SMIM31: variants seen among roughly 807,000 people sequenced by gnomAD.
SMIM31 encodes the protein human epithelial cell program regulator.
chr4:164,786,931 C>G (rs2110952826), intron 2 of SMIM31, among the ~76,000 whole-genome samples: 1 of 152,242 alleles, frequency 6.6e-6, no homozygotes, highest in African/African-American at 2.4e-5. Context: ...CAATAGGAAT[C>G]ATAGCTCAAA....
At position 164,801,168 on chromosome 4, in the gene SMIM31, C is replaced by T. The variant is rs953569278; in HGVS notation, c.190C>T (p.His64Tyr). 1.5e-5 allele frequency: 6 copies of T among 398,650 alleles called. No individual in the cohort carries two copies. Among genetic ancestry groups the T allele is most frequent in the Non-Finnish European group, 2.7e-5 (6 of 226,016 alleles). 24.7% of individuals were successfully genotyped at this position (398,650 alleles called of 1,614,324 possible). Residue 64 changes from histidine to tyrosine, a missense_variant, in exon 3 of 3, where the codon CAC becomes TAC. Coordinates refer to ENST00000507311, the MANE Select transcript of SMIM31 (RefSeq NM_001352885.1). ...GAAGAAAAATTGCTCAGAGGAAGAGCACAGAATTGAAGCTGTTGAGCTATG... is the reference window on the plus strand; with the variant it reads ...GAAGAAAAATTGCTCAGAGGAAGAGTACAGAATTGAAGCTGTTGAGCTATG... ...EKKKNCSEEE[H>Y]RIEAVEL
At chr4:164,780,402 G>A (rs1201937118) in intron 2 of SMIM31, among the ~76,000 whole-genome samples, 1 of 152,234 alleles carries the variant, frequency 6.6e-6, no homozygotes, top group African/African-American at 2.4e-5. Context: ...ACTCCAGCCT[G>A]GGTGACAGAG....
chr4:164,771,081 C>A (rs1158775351), intron 2 of SMIM31, among the ~76,000 whole-genome samples: 6 of 152,098 alleles, frequency 3.9e-5, no homozygotes, highest in Admixed American at 3.9e-4. Context: ...TCATAAAAAG[C>A]AAATTGCATT....
At chr4:164,788,486 T>C (rs1267525636) in intron 2 of SMIM31, among the ~76,000 whole-genome samples, 6 of 109,710 alleles carry the variant, frequency 5.5e-5, no homozygotes, top group Admixed American at 8.9e-5. Context: ...TTCTTTTTTT[T>C]TTTTTTTTTT....
At chr4:164,783,765 G>GA (rs1293378890) in intron 2 of SMIM31, among the ~76,000 whole-genome samples, 1 of 151,664 alleles carries the variant, frequency 6.6e-6, no homozygotes, top group African/African-American at 2.4e-5. Flanking sequence ...CTCCATCTCT[G>GA]AAAAAATAAA....
At chr4:164,755,539 AGGAGGGGAGGGGAGGGGAGGGGAGG>A (rs1164803304) in intron 1 of SMIM31, among the ~76,000 whole-genome samples, 14 of 11,428 alleles carry the variant, frequency 1.2e-3, no homozygotes, top group Non-Finnish European at 1.6e-3. Context: ...GGGAGAGGAG[AGGAGGGGAGGGGAGGGGAGGGGAGG>A]GGAGGGGAGG....
intron 2 of SMIM31, among the ~76,000 whole-genome samples, chr4:164,784,972 C>G (rs909964527): frequency 6.6e-6 from 1 of 150,974 alleles, no homozygotes; most frequent in African/African-American, 2.4e-5. Context: ...GCCTGTAATC[C>G]CAGCACTTTG....
chr4:164,766,392 C>T (rs993932550), intron 1 of SMIM31, among the ~76,000 whole-genome samples: 1 of 152,080 alleles, frequency 6.6e-6, no homozygotes, highest in African/African-American at 2.4e-5. Context: ...TCAGTGAATA[C>T]TTATGGGAAA....
At chr4:164,782,479 C>G (rs974682126) in intron 2 of SMIM31, among the ~76,000 whole-genome samples, 12 of 147,640 alleles carry the variant, frequency 8.1e-5, no homozygotes, top group Non-Finnish European at 1.2e-4. Flanking sequence ...CCCAGGTTCA[C>G]GCCATTCTCC....
intron 2 of SMIM31, among the ~76,000 whole-genome samples, chr4:164,792,934 T>C (rs1030919288): frequency 7.2e-5 from 11 of 152,044 alleles, no homozygotes; most frequent in African/African-American, 2.4e-4. Flanking sequence ...AACATACCAA[T>C]GGATTAGAAT....
At chr4:164,788,662 T>C (rs891889882) in intron 2 of SMIM31, among the ~76,000 whole-genome samples, 1 of 151,326 alleles carries the variant, frequency 6.6e-6, no homozygotes, top group Non-Finnish European at 1.5e-5. Flanking sequence ...GCTAATTTTG[T>C]ATTTTTAGTA....
chr4:164,781,884 A>G (rs1050822474), intron 2 of SMIM31, among the ~76,000 whole-genome samples: 3 of 152,232 alleles, frequency 2.0e-5, no homozygotes, highest in African/African-American at 7.2e-5. Context: ...AGATTTGACT[A>G]CAAAGGAGTA....
chr4:164,783,876 T>G (rs539849929), intron 2 of SMIM31, among the ~76,000 whole-genome samples: 1 of 152,344 alleles, frequency 6.6e-6, no homozygotes, highest in East Asian at 1.9e-4. Flanking sequence ...TATATGAATT[T>G]TCCTGTAACT....
At chr4:164,798,043 T>C (rs1380898603) in intron 2 of SMIM31, among the ~76,000 whole-genome samples, 1 of 152,098 alleles carries the variant, frequency 6.6e-6, no homozygotes, top group Non-Finnish European at 1.5e-5. Context: ...GTTCCATCCA[T>C]GTTGCTGCAA....
At chr4:164,774,944 A>G (rs1470330498) in intron 2 of SMIM31, among the ~76,000 whole-genome samples, 1 of 152,210 alleles carries the variant, frequency 6.6e-6, no homozygotes, top group Non-Finnish European at 1.5e-5. Context: ...AGCCAACATC[A>G]GTTATCATCC....
At chr4:164,767,395 T>C (rs1292847478) in intron 1 of SMIM31, among the ~76,000 whole-genome samples, 1 of 152,254 alleles carries the variant, frequency 6.6e-6, no homozygotes, top group African/African-American at 2.4e-5. Flanking sequence ...GGAGTTACGT[T>C]AATTTTTATC....
At chr4:164,767,818 T>C (rs1317239793) in intron 1 of SMIM31, among the ~76,000 whole-genome samples, 1 of 152,260 alleles carries the variant, frequency 6.6e-6, no homozygotes, top group East Asian at 1.9e-4. Flanking sequence ...CATAGATGTC[T>C]GACAATATCT....
At chr4:164,770,892 C>A (rs965838535) in intron 2 of SMIM31, among the ~76,000 whole-genome samples, 1 of 152,076 alleles carries the variant, frequency 6.6e-6, no homozygotes, top group South Asian at 2.1e-4. Context: ...TTGTGCCCAC[C>A]ACATGGTTAC....
chr4:164,784,995 G>T (rs1189216484), intron 2 of SMIM31, among the ~76,000 whole-genome samples: 1 of 151,658 alleles, frequency 6.6e-6, no homozygotes, highest in African/African-American at 2.4e-5. Flanking sequence ...AGGCCGAGGC[G>T]GGCGGATTGC....
Sources: allele counts gnomAD v4.1 joint callset (sites outside exome capture counted in the v4.1 genomes callset), GRCh38; gene constraint gnomAD v4.1.1; transcripts MANE v1.5; gene names NCBI Gene and HGNC (gene_info 2026-07-23, HGNC 2026-07-21).